The following CCSER1 variants were observed in gnomAD, a reference collection of about 807,000 sequenced individuals.
CCSER1 encodes the protein serine-rich coiled-coil domain-containing protein 1.
A neutral mutation model predicts 82.0 loss-of-function variants in CCSER1; 41 were observed. That is an observed-to-expected ratio of 0.50 (90% CI 0.39 to 0.65). CCSER1 has a LOEUF of 0.65. Among genes scored for constraint, CCSER1 ranks in the 30% least tolerant of loss-of-function variants. The pLI is 0.00. For synonymous variants in CCSER1, 414 were observed against 383.9 expected, an observed-to-expected ratio of 1.08 and a Z score of -0.92; for missense variants, 1,119 against 1,064.2, an observed-to-expected ratio of 1.05 and a Z score of -0.72.
chr4:90,692,073 T>G (rs1736112086), intron 6 of CCSER1, among the ~76,000 whole-genome samples: 1 of 141,744 alleles, frequency 7.1e-6, no homozygotes, highest in African/African-American at 2.6e-5. Context: ...ATATATATGA[T>G]AAATACCAGA....
intron 6 of CCSER1, among the ~76,000 whole-genome samples, chr4:90,668,383 A>C (rs1732185806): frequency 6.6e-6 from 1 of 152,124 alleles, no homozygotes; most frequent in Non-Finnish European, 1.5e-5. Flanking sequence ...CAGAGTAAAA[A>C]CTTTTTAAGA....
At chr4:90,726,364 A>G (rs968902389) in intron 7 of CCSER1, among the ~76,000 whole-genome samples, 2 of 151,984 alleles carry the variant, frequency 1.3e-5, no homozygotes, top group African/African-American at 4.8e-5. Flanking sequence ...ACTAATACCC[A>G]TGCCTTTATT....
intron 1 of CCSER1, among the ~76,000 whole-genome samples, chr4:90,168,090 A>C (rs1730873788): frequency 6.6e-6 from 1 of 152,186 alleles, no homozygotes; most frequent in South Asian, 2.1e-4. Flanking sequence ...CAGTTCCACC[A>C]AAAGTGTAAA....
rs547675937 is a variant in CCSER1 at position 90,985,493 on chromosome 4, T to G, written c.2172+62046T>G. On this transcript the variant is annotated intron_variant, in intron 9 of 10. Transcript: ENST00000509176. ...ACAGTTAATATTGGCAAAAGTGAAA[T>G]TCCAAATTAAGTCTGTCTTCAACAC... Among the ~76,000 whole-genome samples, 6 of 151,916 alleles carry G rather than the reference T, an allele frequency of 3.9e-5. No individual in the cohort carries two copies. The East Asian group carries it at 1.2e-3, about 30-fold the overall frequency.
intron 3 of CCSER1, among the ~76,000 whole-genome samples, chr4:90,394,853 T>C (rs530133052): frequency 6.6e-6 from 1 of 152,326 alleles, no homozygotes; most frequent in East Asian, 1.9e-4. Flanking sequence ...TTTTGATATA[T>C]GTGTACACTG....
chr4:90,494,533 C>G (rs1322703970), intron 5 of CCSER1, among the ~76,000 whole-genome samples: 1 of 151,864 alleles, frequency 6.6e-6, no homozygotes, highest in Non-Finnish European at 1.5e-5. Context: ...CTCCTAAATT[C>G]TTGTTCTATC....
chr4:90,498,114 T>G (rs1769311263), intron 5 of CCSER1, among the ~76,000 whole-genome samples: 1 of 152,112 alleles, frequency 6.6e-6, no homozygotes, highest in Admixed American at 6.6e-5. Flanking sequence ...CTGAAACCAT[T>G]GTTCATATCA....
intron 10 of CCSER1, among the ~76,000 whole-genome samples, chr4:91,122,360 A>C (rs1727158919): frequency 6.6e-6 from 1 of 151,756 alleles, no homozygotes; most frequent in African/African-American, 2.4e-5. Context: ...AATAGTCAAT[A>C]ATTCTTTGAA....
intron 3 of CCSER1, among the ~76,000 whole-genome samples, chr4:90,352,000 C>G (rs1399962485): frequency 6.6e-6 from 1 of 152,006 alleles, no homozygotes; most frequent in Non-Finnish European, 1.5e-5. Flanking sequence ...AGCAGTGTAT[C>G]ATATTTCTAA....
intron 10 of CCSER1, among the ~76,000 whole-genome samples, chr4:91,329,517 G>A (rs759225112): frequency 6.6e-6 from 1 of 152,144 alleles, no homozygotes; most frequent in Non-Finnish European, 1.5e-5. Flanking sequence ...TGACTGGGTG[G>A]CTTTAAACAG....
At chr4:90,859,502 A>G (rs774297903) in intron 8 of CCSER1, among the ~76,000 whole-genome samples, 3 of 151,776 alleles carry the variant, frequency 2.0e-5, no homozygotes, top group Non-Finnish European at 4.4e-5. Context: ...ATTACCGGGC[A>G]TGTATTTAAT....
In CCSER1 at chr4:91,213,192, C is replaced by T. The variant is rs188061339; in HGVS notation, c.2217+127198C>T. 1.1e-3 allele frequency among the ~76,000 whole-genome samples: 161 copies of T among 152,000 alleles called. 2 individuals are homozygous for T. Among genetic ancestry groups the T allele is most frequent in the African/African-American group, 3.5e-3 (146 of 41,464 alleles). On this transcript the variant is annotated intron_variant, in intron 10 of 10. Coordinates refer to ENST00000509176, the MANE Select transcript of CCSER1 (RefSeq NM_001145065.2). ...CTTTGAATGGAACTGGAGATCATTA[C>T]GTCAAGTGAATTTTTTTTTAATGTA... is the stretch of plus-strand genomic sequence containing the variant.
At chr4:90,146,261 G>A (rs1725794267) in intron 1 of CCSER1, among the ~76,000 whole-genome samples, 1 of 152,056 alleles carries the variant, frequency 6.6e-6, no homozygotes, top group South Asian at 2.1e-4. Flanking sequence ...TACATCTACT[G>A]TGCAAGAACA....
intron 10 of CCSER1, among the ~76,000 whole-genome samples, chr4:91,172,641 T>C (rs1408868716): frequency 6.6e-6 from 1 of 152,188 alleles, no homozygotes; most frequent in Non-Finnish European, 1.5e-5. Flanking sequence ...AGTCAGACTC[T>C]TCTGATCAAC....
rs555269589 is a variant in CCSER1 at position 90,804,875 on chromosome 4, T to C, written c.2011-10887T>C. Reference sequence around the variant, plus strand: ...GAATGAAATCACTTGTATGTAATTTTTTATCCGTATTTCAGATTCTTTAGT... The same window carrying C: ...GAATGAAATCACTTGTATGTAATTTCTTATCCGTATTTCAGATTCTTTAGT... On this transcript the variant is annotated intron_variant, in intron 7 of 10. Transcript: ENST00000509176. Among the ~76,000 whole-genome samples the C allele has an allele frequency of 3.6e-4, 55 of 152,278 alleles. 3 individuals are homozygous for C. In the South Asian group the frequency reaches 8.7e-3, roughly 24 times the overall value.
intron 10 of CCSER1, chr4:91,130,137 C>T (rs191687076): frequency 3.3e-5 from 5 of 151,852 alleles, no homozygotes; most frequent in African/African-American, 9.6e-5. Flanking sequence ...TAGCTGTGTC[C>T]ATTATATTTA....
intron 10 of CCSER1, among the ~76,000 whole-genome samples, chr4:91,461,154 AT>A (rs1578515608): frequency 6.6e-6 from 1 of 152,186 alleles, no homozygotes; most frequent in East Asian, 1.9e-4. Context: ...TTTTGGCATA[AT>A]TTATTTAGCC....
intron 1 of CCSER1, among the ~76,000 whole-genome samples, chr4:90,296,335 T>C (rs1192928682): frequency 2.0e-5 from 3 of 152,158 alleles, no homozygotes; most frequent in Non-Finnish European, 4.4e-5. Flanking sequence ...TGCCCACTTT[T>C]TGATGGGGTT....
At chr4:90,768,161 GT>G (rs1318871647) in intron 7 of CCSER1, among the ~76,000 whole-genome samples, 1 of 152,164 alleles carries the variant, frequency 6.6e-6, no homozygotes, top group African/African-American at 2.4e-5. Context: ...CCCTCCCTTG[GT>G]TCACTCACTT....
Sources: gnomAD v4.1 joint callset for allele counts (sites outside exome capture counted in the v4.1 genomes callset) on GRCh38, gnomAD v4.1.1 for gene constraint, MANE v1.5 for transcripts, NCBI Gene and HGNC (gene_info 2026-07-23, HGNC 2026-07-21) for gene names.